The following RIMS1 variants were observed in gnomAD, a reference collection of about 807,000 sequenced individuals.
RIMS1 encodes regulating synaptic membrane exocytosis 1, also known as regulating synaptic membrane exocytosis protein 1.
In RIMS1, 83 loss-of-function variants were observed where a neutral mutation model predicts 214.1. The observed-to-expected ratio is 0.39, with a 90% confidence interval of 0.32 to 0.47. The LOEUF is 0.47. Among genes scored for constraint, RIMS1 ranks in the 20% least tolerant of loss-of-function variants. The pLI is 0.99. For missense variants in RIMS1, 2,050 were observed against 2,161.8 expected (o/e 0.95, Z 1.03); for synonymous variants, 793 against 786.8 (o/e 1.01, Z -0.13).
At chr6:72,197,891 G>T (rs1198076960) in intron 6 of RIMS1, among the ~76,000 whole-genome samples, 1 of 152,020 alleles carries the variant, frequency 6.6e-6, no homozygotes. Context: ...CATTAAAGAT[G>T]CCAAGGAAAA....
chr6:72,009,002 C>G lies in RIMS1; in HGVS notation c.245+39939C>G, dbSNP rs548635319. 1.1e-3 allele frequency among the ~76,000 whole-genome samples: 172 copies of G among 152,302 alleles called. 1 individual carries two copies. The highest frequency in any genetic ancestry group is 4.1e-3 in the African/African-American group (170 of 41,570). ...AAAGACACCTACAGAACTCTCCACC[C>G]CAAATCAACAGAATATACATTCTTC... On this transcript the variant is annotated intron_variant, in intron 2 of 33. Transcript: ENST00000521978.
intron 28 of RIMS1, among the ~76,000 whole-genome samples, chr6:72,331,117 T>C (rs949033824): frequency 2.6e-5 from 4 of 151,770 alleles, no homozygotes; most frequent in Non-Finnish European, 4.4e-5. Flanking sequence ...AATAAACTTT[T>C]GAATCTTCCC....
intron 1 of RIMS1, among the ~76,000 whole-genome samples, chr6:71,905,982 C>T (rs1002569055): frequency 3.3e-5 from 5 of 152,270 alleles, no homozygotes; most frequent in African/African-American, 1.2e-4. Context: ...GCTATAGGGA[C>T]AAAGTCCCTG....
At chr6:72,235,827 A>G (rs2063784039) in intron 8 of RIMS1, 99 bp downstream of exon 8, 2 of 499,892 alleles carry the variant, frequency 4.0e-6, no homozygotes, top group Non-Finnish European at 6.8e-6. Context: ...TCATTTAAAT[A>G]TTTTATATAA....
intron 2 of RIMS1, among the ~76,000 whole-genome samples, chr6:72,064,598 C>T (rs574925927): frequency 6.6e-6 from 1 of 152,206 alleles, no homozygotes; most frequent in African/African-American, 2.4e-5. Flanking sequence ...TCCAGCACAG[C>T]TGGGTGCGTC....
intron 18 of RIMS1, 146 bp from the exon 19 acceptor site, chr6:72,260,559 G>T: frequency 9.4e-7 from 1 of 1,062,782 alleles, no homozygotes; most frequent in Non-Finnish European, 1.4e-6. Flanking sequence ...ATGCTTTTAT[G>T]TTTATTTTTG....
chr6:72,087,976 A>G lies in RIMS1; in HGVS notation c.246-8973A>G, dbSNP rs371314258. On this transcript the variant is annotated intron_variant, in intron 2 of 33. Transcript: ENST00000521978. ...CTGGCTACTATTTCTGCTGTTAATT[A>G]TCAGTACCCTTCAATTAGGATATGA... Among the ~76,000 whole-genome samples, 202 of 152,314 alleles carry G rather than the reference A, an allele frequency of 1.3e-3. 1 individual carries two copies. Among genetic ancestry groups the G allele is most frequent in the African/African-American group, 4.7e-3 (194 of 41,584 alleles).
chr6:72,274,415 G>C lies in RIMS1; in HGVS notation c.3465G>C (p.Ala1155=), dbSNP rs190562383. Residue 1155 remains alanine, a synonymous_variant, in exon 23 of 34, where the codon GCG becomes GCC. Coordinates refer to ENST00000521978, the MANE Select transcript of RIMS1 (RefSeq NM_014989.7). ...PPSPRIQIQH[A]SPENDRHSRK... is the part of the protein sequence containing the mutation. The stretch of plus-strand genomic sequence containing the variant: ...GTCCCAGGATTCAAATCCAGCATGC[G>C]TCTCCGGAGAATGACAGGTACTAGT... The C allele has an allele frequency of 2.8e-5, 45 of 1,613,014 alleles. No individual in the cohort carries two copies. The Admixed American group carries it at 7.5e-4, about 27-fold the overall frequency.
chr6:72,065,118 A>C (rs1439723225), intron 2 of RIMS1, among the ~76,000 whole-genome samples: 1 of 152,172 alleles, frequency 6.6e-6, no homozygotes, highest in Non-Finnish European at 1.5e-5. Context: ...GTCCTGGTGA[A>C]AGGTGCAGGG....
intron 6 of RIMS1, among the ~76,000 whole-genome samples, chr6:72,229,514 A>C (rs2061323667): frequency 6.6e-6 from 1 of 151,894 alleles, no homozygotes; most frequent in African/African-American, 2.4e-5. Context: ...TTTATTTCTT[A>C]TCCCTGACCT....
At chr6:72,216,485 A>G in intron 6 of RIMS1, 1 of 985,384 alleles carries the variant, frequency 1.0e-6, no homozygotes. Flanking sequence ...CCCAACAATC[A>G]ATTGTGTATA....
At chr6:72,226,044 A>G (rs1280315253) in intron 6 of RIMS1, among the ~76,000 whole-genome samples, 1 of 152,160 alleles carries the variant, frequency 6.6e-6, no homozygotes, top group East Asian at 1.9e-4. Flanking sequence ...TTGTCATTTA[A>G]TACAGATAAT....
At chr6:72,164,014 C>G (rs1006265955) in intron 4 of RIMS1, among the ~76,000 whole-genome samples, 1 of 152,160 alleles carries the variant, frequency 6.6e-6, no homozygotes, top group Non-Finnish European at 1.5e-5. Context: ...GCAGGCAGGT[C>G]TCCTTGAGCT....
intron 2 of RIMS1, among the ~76,000 whole-genome samples, chr6:71,989,337 A>C (rs1026433482): frequency 6.6e-6 from 1 of 152,186 alleles, no homozygotes; most frequent in African/African-American, 2.4e-5. Context: ...CAAGTTCCAT[A>C]AACTCCAGAA....
chr6:72,254,263 C>T (rs1200743298), intron 16 of RIMS1, among the ~76,000 whole-genome samples: 1 of 152,002 alleles, frequency 6.6e-6, no homozygotes, highest in Non-Finnish European at 1.5e-5. Context: ...ATATATTAAC[C>T]TTTGATGTCA....
In RIMS1 at chr6:72,075,967, G is replaced by C. The variant is rs1831743552; in HGVS notation, c.246-20982G>C. ...AAAAAGAAATAAAAAAATTCTCTAT[G>C]AGTAAATATGCGAGTATGTGACCTG... is the stretch of plus-strand genomic sequence containing the variant. On this transcript the variant is annotated intron_variant, in intron 2 of 33. Transcript: ENST00000521978. Among the ~76,000 whole-genome samples the C allele has an allele frequency of 2.6e-5, 4 of 152,146 alleles. No homozygotes were observed. The South Asian group carries it at 8.3e-4, about 32-fold the overall frequency.
At chr6:72,064,358 A>AAGGAAGGAAGGG (rs1433381252) in intron 2 of RIMS1, among the ~76,000 whole-genome samples, 5 of 151,794 alleles carry the variant, frequency 3.3e-5, no homozygotes, top group Non-Finnish European at 7.4e-5. Context: ...AGAGGGAAGG[A>AAGGAAGGAAGGG]AGGAAGGAAG....
At chr6:72,399,993 C>G (rs2098822826) in intron 33 of RIMS1, among the ~76,000 whole-genome samples, 1 of 152,008 alleles carries the variant, frequency 6.6e-6, no homozygotes. Flanking sequence ...TTGACCTACC[C>G]CTTCACTAAA....
In RIMS1 at chr6:72,089,867, G is replaced by A. The variant is rs13362591; in HGVS notation, c.246-7082G>A. 7.5e-3 allele frequency among the ~76,000 whole-genome samples: 1,114 copies of A among 147,848 alleles called. 17 individuals are homozygous for A. The highest frequency in any genetic ancestry group is 0.026 in the African/African-American group (1,080 of 41,184). On this transcript the variant is annotated intron_variant, in intron 2 of 33. Coordinates refer to ENST00000521978, the MANE Select transcript of RIMS1 (RefSeq NM_014989.7). The stretch of plus-strand genomic sequence containing the variant: ...AAAAAATGATGAGTTCATGTCTTTT[G>A]TAGGGACATGGATGAAATTGGAAAT...
Sources: allele counts gnomAD v4.1 joint callset (sites outside exome capture counted in the v4.1 genomes callset), GRCh38; gene constraint gnomAD v4.1.1; transcripts MANE v1.5; gene names NCBI Gene and HGNC (gene_info 2026-07-23, HGNC 2026-07-21).